UBXN11: variants seen among roughly 807,000 people sequenced by gnomAD.
UBXN11 encodes UBX domain-containing protein 11.
In UBXN11, 47 loss-of-function variants were observed where a neutral mutation model predicts 62.8. The ratio of observed to expected loss-of-function variants is 0.75; its 90% CI spans 0.59 to 0.95. UBXN11 has a LOEUF of 0.95. Among genes scored for constraint, UBXN11 ranks in the 40% least tolerant of loss-of-function variants. The pLI is 0.00. For missense variants in UBXN11, 638 were observed against 661.7 expected (o/e 0.96, Z 0.39); for synonymous variants, 294 against 267.0 (o/e 1.10, Z -0.99).
chr1:26,295,144 CCT>C (rs1211039354), intron 7 of UBXN11, among the ~76,000 whole-genome samples: 1 of 152,138 alleles, frequency 6.6e-6, no homozygotes, highest in African/African-American at 2.4e-5. Flanking sequence ...CTCTTGTCCC[CCT>C]GTCAAACCTC....
intron 4 of UBXN11, among the ~76,000 whole-genome samples, chr1:26,298,841 G>A (rs2073459313): frequency 6.8e-6 from 1 of 147,312 alleles, no homozygotes; most frequent in Admixed American, 6.7e-5. Flanking sequence ...ACAGGAAGAA[G>A]CAGGCCTTTT....
In UBXN11 at chr1:26,286,056, A is replaced by G. The variant is rs1482996013; in HGVS notation, c.560-19T>C. 3.2e-6 allele frequency: 5 copies of G among 1,576,596 alleles called. No individual in the cohort carries two copies. The highest frequency in any genetic ancestry group is 4.3e-6 in the Non-Finnish European group (5 of 1,156,088). On this transcript the variant is annotated intron_variant, in intron 8 of 14. Transcript: ENST00000374222. ...GAGTCCCCTGGCAAAGAGGACAGAC[A>G]CCTGTGAGCCGCCTTTTGGCTGTCA... is the stretch of plus-strand genomic sequence containing the variant.
In UBXN11 at chr1:26,282,339, CCG is replaced by C; in HGVS notation, c.1521_1522del (p.Gly508ProfsTer?). ...ACTGGGTCCAGGACAGGGACTGGGG[CCG>C]GGACCGGGACCGGGACTGGGGCCGG... On this transcript the variant is annotated frameshift_variant, in exon 15 of 15. Coordinates refer to ENST00000374222, the MANE Select transcript of UBXN11 (RefSeq NM_001389556.1). LOFTEE classifies it low-confidence loss of function (END_TRUNC). The C allele has an allele frequency of 2.9e-6, 1 of 342,998 alleles. No homozygotes were observed. Among genetic ancestry groups the C allele is most frequent in the East Asian group, 5.3e-5 (1 of 18,782 alleles). The allele number at this position is 342,998 out of a possible 1,614,324, so 21.2% of individuals were successfully genotyped here.
chr1:26,283,056 G>A, intron 12 of UBXN11, 119 bp from the exon 13 acceptor site: 3 of 1,321,402 alleles, frequency 2.3e-6, no homozygotes, highest in Non-Finnish European at 3.2e-6. Context: ...AAAGCGGGAG[G>A]GGGTGTTCTG....
intron 1 of UBXN11, among the ~76,000 whole-genome samples, chr1:26,312,407 C>T (rs577896403): frequency 3.3e-5 from 5 of 152,118 alleles, no homozygotes; most frequent in South Asian, 2.1e-4. Context: ...CATGCCACCA[C>T]GCCCAGCTAA....
At chr1:26,299,325 A>G (rs1022516394) in intron 4 of UBXN11, among the ~76,000 whole-genome samples, 5 of 151,870 alleles carry the variant, frequency 3.3e-5, no homozygotes, top group African/African-American at 1.2e-4. Context: ...CAGCCTGAGC[A>G]ACATAGAGAA....
At chr1:26,297,092 TC>T in intron 6 of UBXN11, 97 bp from the exon 7 acceptor site, 1 of 1,416,308 alleles carries the variant, frequency 7.1e-7, no homozygotes, top group Middle Eastern at 1.8e-4. Context: ...GTTCTGGGGA[TC>T]CCCCAAGAAC....
Position 26,282,357 on chromosome 1 carries a change from CT to C in UBXN11, c.1504del (p.Ser502ValfsTer?). On this transcript the variant is annotated frameshift_variant, in exon 15 of 15. Coordinates refer to ENST00000374222, the MANE Select transcript of UBXN11 (RefSeq NM_001389556.1). LOFTEE classifies it low-confidence loss of function (END_TRUNC). Reference sequence around the variant, plus strand: ...ACTGGGGCCGGGACCGGGACCGGGACTGGGGCCGGGACCGGGACCGGGACTG... The same window carrying C: ...ACTGGGGCCGGGACCGGGACCGGGACGGGGCCGGGACCGGGACCGGGACTG... ...GPSPGPGPGP[S>X]PGPGPGPSPC... The C allele has an allele frequency of 1.6e-6, 1 of 636,826 alleles. No individual in the cohort carries two copies. Among genetic ancestry groups the C allele is most frequent in the African/African-American group, 2.8e-5 (1 of 35,790 alleles). 39.4% of individuals were successfully genotyped at this position (636,826 alleles called of 1,614,324 possible).
At chr1:26,283,169 CAG>C (rs2073043682) in intron 12 of UBXN11, among the ~76,000 whole-genome samples, 1 of 152,074 alleles carries the variant, frequency 6.6e-6, no homozygotes, top group Non-Finnish European at 1.5e-5. Flanking sequence ...CTAATGGAGA[CAG>C]AACCCCACAC....
chr1:26,313,188 T>C (rs2073760940), intron 1 of UBXN11, among the ~76,000 whole-genome samples: 1 of 152,032 alleles, frequency 6.6e-6, no homozygotes, highest in Non-Finnish European at 1.5e-5. Flanking sequence ...CCTTCCTCCC[T>C]CCCTGCTGTA....
chr1:26,311,218 C>A (rs1030383289), upstream of UBXN11, among the ~76,000 whole-genome samples: 3 of 151,126 alleles, frequency 2.0e-5, no homozygotes, highest in Non-Finnish European at 2.9e-5. Context: ...CAGCTCACTG[C>A]AAACTCCAGC....
chr1:26,317,978 A>G (rs1371464841), intron 1 of UBXN11: 2 of 1,600,262 alleles, frequency 1.2e-6, no homozygotes, highest in Non-Finnish European at 1.7e-6. Context: ...GAGATCACCT[A>G]AAAAGCTGCT....
intron 1 of UBXN11, among the ~76,000 whole-genome samples, chr1:26,305,554 G>A (rs1346278704): frequency 6.6e-6 from 1 of 151,488 alleles, no homozygotes; most frequent in Non-Finnish European, 1.5e-5. Context: ...CTGTTCTATA[G>A]ACTTGCCCAC....
upstream of UBXN11, among the ~76,000 whole-genome samples, chr1:26,310,292 C>A (rs2073728173): frequency 6.6e-6 from 1 of 151,618 alleles, no homozygotes; most frequent in South Asian, 2.1e-4. Flanking sequence ...AATCCCAGCA[C>A]TTTGGGAGGC....
In UBXN11 at chr1:26,282,627, C is replaced by T. The variant is rs371919070; in HGVS notation, c.1292+22G>A. Reference sequence around the variant, plus strand: ...AGTGGGACCAGAGCCCCTCTGTGGCCCTGGCCCTGCCCTGCACCCACCTGG... The same window carrying T: ...AGTGGGACCAGAGCCCCTCTGTGGCTCTGGCCCTGCCCTGCACCCACCTGG... On this transcript the variant is annotated intron_variant, in intron 14 of 14. Coordinates refer to ENST00000374222, the MANE Select transcript of UBXN11 (RefSeq NM_001389556.1). The T allele has an allele frequency of 6.2e-6, 10 of 1,613,400 alleles. No homozygotes were observed. In the African/African-American group the frequency reaches 1.2e-4, roughly 19 times the overall value.
At position 26,285,789 on chromosome 1, in the gene UBXN11, A is replaced by C. The variant is rs764226585; in HGVS notation, c.774+34T>G. ...CCAACTAACAGTGGGCAGCAGGGGC[A>C]CTAGAGCACCACCCCCCCCAACACC... On this transcript the variant is annotated intron_variant, in intron 9 of 14. Coordinates refer to ENST00000374222, the MANE Select transcript of UBXN11 (RefSeq NM_001389556.1). 28 of 1,565,560 alleles carry C rather than the reference A, an allele frequency of 1.8e-5. No individual in the cohort carries two copies. The East Asian group carries it at 6.1e-4, about 34-fold the overall frequency.
At chr1:26,293,900 G>A (rs976488218) in intron 8 of UBXN11, among the ~76,000 whole-genome samples, 1 of 152,110 alleles carries the variant, frequency 6.6e-6, no homozygotes, top group African/African-American at 2.4e-5. Flanking sequence ...GATTGGTGGC[G>A]TTTTGTAGAC....
At position 26,296,139 on chromosome 1, in the gene UBXN11, T is replaced by C. The variant is rs147016072; in HGVS notation, c.432+780A>G. Among the ~76,000 whole-genome samples the C allele has an allele frequency of 1.9e-3, 283 of 152,348 alleles. 2 individuals are homozygous for C. Among genetic ancestry groups the C allele is most frequent in the African/African-American group, 6.6e-3 (274 of 41,594 alleles). ...CAGGAAGAACTTCTGGCAGGGCCCA[T>C]GCGTGCCTGGGACCCTTCTCTGTGC... On this transcript the variant is annotated intron_variant, in intron 7 of 14. Coordinates refer to ENST00000374222, the MANE Select transcript of UBXN11 (RefSeq NM_001389556.1).
Position 26,286,006 on chromosome 1 carries a change from A to C in UBXN11, c.591T>G (p.Phe197Leu). Residue 197 changes from phenylalanine (F) to leucine (L), a missense_variant, in exon 9 of 15, where the codon TTT becomes TTG. Transcript: ENST00000374222. ...CCTGCAGGCTGGCCAGCAGCCTGTC[A>C]AAGTCCACCTCAGGGGGCGCCAATG... ...GDSLAPPEVD[F>L]DRLLASLQDL... 6.2e-7 allele frequency: 1 copy of C among 1,611,172 alleles called. No individual in the cohort carries two copies. Among genetic ancestry groups the C allele is most frequent in the Non-Finnish European group, 8.5e-7 (1 of 1,178,010 alleles).
Sources: gnomAD v4.1 joint callset for allele counts (sites outside exome capture counted in the v4.1 genomes callset) on GRCh38, gnomAD v4.1.1 for gene constraint, MANE v1.5 for transcripts, NCBI Gene and HGNC (gene_info 2026-07-23, HGNC 2026-07-21) for gene names.